Variants in AP2A2 observed in about 807,000 individuals in gnomAD.
The protein encoded by AP2A2 is adaptor related protein complex 2 subunit alpha 2.
AP2A2 carries 32 observed loss-of-function variants against 104.2 expected under a neutral mutation model. The ratio of observed to expected loss-of-function variants is 0.31; its 90% CI spans 0.23 to 0.41. The LOEUF (loss-of-function observed/expected upper bound fraction) is 0.41, where lower values mean the gene tolerates loss of function less well. AP2A2 is among the 10% of genes least tolerant of loss of function. The pLI is 1.00. For missense variants in AP2A2, 912 were observed against 1,261.0 expected, an observed-to-expected ratio of 0.72 and a Z score of 4.19; for synonymous variants, 539 against 533.3, an observed-to-expected ratio of 1.01 and a Z score of -0.15.
At chr11:1,004,738 T>A (rs1267899759) in intron 16 of AP2A2, among the ~76,000 whole-genome samples, 1 of 152,214 alleles carries the variant, frequency 6.6e-6, no homozygotes, top group Non-Finnish European at 1.5e-5. Context: ...ATCTTGCCAC[T>A]GCACTGCAGC....
In AP2A2 at chr11:1,009,722, C is replaced by G; in HGVS notation, c.2647C>G (p.Pro883Ala). The change falls in exon 21 of 22, where the codon CCT (proline) becomes GCT (alanine). Residue 883 changes from proline to alanine, a missense_variant. By Grantham distance (27) the Pro-to-Ala change is conservative. Coordinates refer to ENST00000448903, the MANE Select transcript of AP2A2 (RefSeq NM_012305.4). ...FGSALLEEVD[P>A]NPANFVGAGI... ...TTCTGCACTTCTTGAAGAAGTTGATCCTAATCCTGCGAATTTCGTGGGAGC... is the reference window on the plus strand; with the variant it reads ...TTCTGCACTTCTTGAAGAAGTTGATGCTAATCCTGCGAATTTCGTGGGAGC... 6.4e-7 allele frequency: 1 copy of G among 1,564,576 alleles called. No homozygotes were observed. Among genetic ancestry groups the G allele is most frequent in the Non-Finnish European group, 8.7e-7 (1 of 1,153,618 alleles).
At chr11:1,006,744 A>G in intron 17 of AP2A2, 127 bp downstream of exon 17, 1 of 729,542 alleles carries the variant, frequency 1.4e-6, no homozygotes, top group East Asian at 2.6e-5. Flanking sequence ...TGCTATATGA[A>G]AATCAGGCAG....
At chr11:939,014 G>A (rs1011258157) in intron 1 of AP2A2, among the ~76,000 whole-genome samples, 6 of 151,886 alleles carry the variant, frequency 4.0e-5, no homozygotes, top group Non-Finnish European at 8.8e-5. Context: ...AGCACTTTGG[G>A]AGGCCGAGGC....
At position 992,317 on chromosome 11, in the gene AP2A2, G is replaced by C; in HGVS notation, c.1270-186G>C. On this transcript the variant is annotated intron_variant, in intron 10 of 21. Transcript: ENST00000448903. The surrounding 1 kb of genome is among the most constrained non-coding windows in gnomAD (Gnocchi z 6.4). ...TTCCTGGCTTTCTTTGCTTAAGTCA[G>C]GGCATCTTAAACTTTCTGGGCTCGT... 4.6e-6 allele frequency: 3 copies of C among 658,112 alleles called. No individual in the cohort carries two copies. The highest frequency in any genetic ancestry group is 8.0e-6 in the Non-Finnish European group (3 of 376,894). The allele number at this position is 658,112 out of a possible 1,614,324, so 40.8% of individuals were successfully genotyped here.
chr11:1,011,555 T>A lies in AP2A2; in HGVS notation c.*930T>A. Reference sequence around the variant, plus strand: ...CCGCATGCCATGTGCCACCTGCGGCTTGTGTCTCACCTGTCATCTGGACTC... The same window carrying A: ...CCGCATGCCATGTGCCACCTGCGGCATGTGTCTCACCTGTCATCTGGACTC... On this transcript the variant is annotated 3_prime_UTR_variant, in exon 22 of 22. Coordinates refer to ENST00000448903, the MANE Select transcript of AP2A2 (RefSeq NM_012305.4). 1 of 466,278 alleles carries A rather than the reference T, an allele frequency of 2.1e-6. No individual in the cohort carries two copies. The allele number at this position is 466,278 out of a possible 1,614,324, so 28.9% of individuals were successfully genotyped here. A position where few individuals can be genotyped will look rare whatever the true frequency, so the allele number is the denominator to read the frequency against.
rs923531669 is a variant in AP2A2 at position 954,408 on chromosome 11, TTGTG to T, written c.68-5021_68-5018del. Among the ~76,000 whole-genome samples the T allele has an allele frequency of 1.5e-4, 23 of 152,234 alleles. 1 individual carries two copies. Among genetic ancestry groups the T allele is most frequent in the South Asian group, 4.2e-4 (2 of 4,814 alleles). On this transcript the variant is annotated intron_variant, in intron 1 of 21. Transcript: ENST00000448903. ...TGCATGTGTGTGTACATGTGTGTAT[TTGTG>T]TGTGTGTATGTATTTGTGTTTATGT...
intron 1 of AP2A2, 117 bp from the exon 2 acceptor site, chr11:959,320 C>G: frequency 1.4e-6 from 1 of 733,150 alleles, no homozygotes; most frequent in Non-Finnish European, 2.3e-6. Context: ...GGCTTTTCTC[C>G]TGCCTTGAAA....
At chr11:965,990 A>G (rs925051026) in intron 2 of AP2A2, among the ~76,000 whole-genome samples, 9 of 152,260 alleles carry the variant, frequency 5.9e-5, no homozygotes, top group African/African-American at 2.2e-4. Flanking sequence ...ACAGGTGTGC[A>G]CCACCACGCC....
intron 1 of AP2A2, among the ~76,000 whole-genome samples, chr11:932,529 C>T (rs1476791663): frequency 6.6e-6 from 1 of 152,220 alleles, no homozygotes; most frequent in Admixed American, 6.5e-5. Context: ...CTCATTTTGT[C>T]CTTTTGACTG....
At chr11:998,298 C>T (rs1213114665) in intron 14 of AP2A2, among the ~76,000 whole-genome samples, 2 of 141,976 alleles carry the variant, frequency 1.4e-5, no homozygotes, top group Non-Finnish European at 3.1e-5. Flanking sequence ...TTTCTGACTG[C>T]CCCCCAATCC....
intron 14 of AP2A2, among the ~76,000 whole-genome samples, chr11:998,896 G>T (rs1402009968): frequency 1.3e-5 from 2 of 152,168 alleles, no homozygotes; most frequent in Non-Finnish European, 2.9e-5. Context: ...GTTTCACCAT[G>T]TTGGCCAGGA....
intron 1 of AP2A2, among the ~76,000 whole-genome samples, chr11:954,871 ACT>A (rs1854185068): frequency 6.6e-6 from 1 of 152,050 alleles, no homozygotes; most frequent in East Asian, 1.9e-4. Context: ...TACCTCTATA[ACT>A]CTACATTATG....
rs1856397645 is a variant in AP2A2 at position 1,010,677 on chromosome 11, CCG to C, written c.*53_*54del. The C allele has an allele frequency of 1.6e-5, 24 of 1,483,414 alleles. No homozygotes were observed. Among genetic ancestry groups the C allele is most frequent in the Non-Finnish European group, 2.2e-5 (24 of 1,083,200 alleles). The allele number at this position is 1,483,414 out of a possible 1,614,324, so 91.9% of individuals were successfully genotyped here. A position where few individuals can be genotyped will look rare whatever the true frequency, so the allele number is the denominator to read the frequency against. On this transcript the variant is annotated 3_prime_UTR_variant, in exon 22 of 22. Coordinates refer to ENST00000448903, the MANE Select transcript of AP2A2 (RefSeq NM_012305.4). ...GTGTCTTGTGTTGTCTTCGTCTGTG[CCG>C]TTTGTCTTCGTGGCCATCCTGCAGA...
In AP2A2 at chr11:993,640, C is replaced by A; in HGVS notation, c.1551-114C>A. ...ATCTGGAGCTGGAAGAGGGTCCCGACCAGCGGCCTCTGGTGCAGGCCAGGG... is the reference window on the plus strand; with the variant it reads ...ATCTGGAGCTGGAAGAGGGTCCCGAACAGCGGCCTCTGGTGCAGGCCAGGG... On this transcript the variant is annotated intron_variant, in intron 12 of 21. Coordinates refer to ENST00000448903, the MANE Select transcript of AP2A2 (RefSeq NM_012305.4). The surrounding 1 kb of genome is among the most constrained non-coding windows in gnomAD (Gnocchi z 8.2). The A allele has an allele frequency of 1.2e-6, 1 of 803,212 alleles. No individual in the cohort carries two copies. The highest frequency in any genetic ancestry group is 2.0e-6 in the Non-Finnish European group (1 of 510,262). The allele number at this position is 803,212 out of a possible 1,614,324, so 49.8% of individuals were successfully genotyped here.
intron 6 of AP2A2, among the ~76,000 whole-genome samples, chr11:983,413 C>T (rs767250841): frequency 5.4e-4 from 82 of 151,810 alleles, no homozygotes; most frequent in Non-Finnish European, 1.0e-3. Flanking sequence ...GATGGAGTCT[C>T]ACTCTGTCGC....
chr11:925,984 C>A lies in AP2A2; in HGVS notation c.-38C>A. Reference sequence around the variant, plus strand: ...TTCCCGCTCCCCGCGCTCCTCCGCCCGGGTCCGCCAGCCGAGGCCGCTCCC... The same window carrying A: ...TTCCCGCTCCCCGCGCTCCTCCGCCAGGGTCCGCCAGCCGAGGCCGCTCCC... On this transcript the variant is annotated 5_prime_UTR_variant, in exon 1 of 22. Transcript: ENST00000448903. The A allele has an allele frequency of 7.2e-7, 1 of 1,380,890 alleles. No individual in the cohort carries two copies. Among genetic ancestry groups the A allele is most frequent in the Non-Finnish European group, 9.5e-7 (1 of 1,051,180 alleles). The allele number at this position is 1,380,890 out of a possible 1,614,324, so 85.5% of individuals were successfully genotyped here.
At chr11:973,079 C>A (rs1284172578) in intron 4 of AP2A2, among the ~76,000 whole-genome samples, 1 of 152,252 alleles carries the variant, frequency 6.6e-6, no homozygotes, top group East Asian at 1.9e-4. Context: ...AGTTGGGAAA[C>A]TGACCCCTCG....
Position 968,374 on chromosome 11 carries a change from G to A in AP2A2, c.137-1795G>A, listed in dbSNP as rs1042383752. 3.9e-5 allele frequency among the ~76,000 whole-genome samples: 6 copies of A among 152,066 alleles called. No homozygotes were observed. The highest frequency in any genetic ancestry group is 9.7e-5 in the African/African-American group (4 of 41,400). Reference sequence around the variant, plus strand: ...AGCAGCTCTTCGTCTGGGGTCCCGCGGGAGCAGAGGCTGGTCGGCTCCTCT... The same window carrying A: ...AGCAGCTCTTCGTCTGGGGTCCCGCAGGAGCAGAGGCTGGTCGGCTCCTCT... On this transcript the variant is annotated intron_variant, in intron 2 of 21. Transcript: ENST00000448903. The surrounding 1 kb of genome is among the most constrained non-coding windows in gnomAD (Gnocchi z 4.2).
At chr11:989,504 C>T (rs745350540) in intron 10 of AP2A2, among the ~76,000 whole-genome samples, 3 of 152,308 alleles carry the variant, frequency 2.0e-5, no homozygotes, top group Admixed American at 1.3e-4. Context: ...GCATTTTGAG[C>T]CCTTGAATTA....
Sources: allele counts gnomAD v4.1 joint callset (sites outside exome capture counted in the v4.1 genomes callset), GRCh38; gene constraint gnomAD v4.1.1; non-coding constraint Gnocchi (gnomAD v3.1); transcripts MANE v1.5; gene names NCBI Gene and HGNC (gene_info 2026-07-23, HGNC 2026-07-21).